The following HIPK2 variants were observed in gnomAD, a reference collection of about 807,000 sequenced individuals.
HIPK2 encodes homeodomain-interacting protein kinase 2.
In HIPK2, 27 loss-of-function variants were observed where a neutral mutation model predicts 113.7. The ratio of observed to expected loss-of-function variants is 0.24; its 90% CI spans 0.17 to 0.33. The LOEUF is 0.33. Among genes scored for constraint, HIPK2 ranks in the 10% least tolerant of loss-of-function variants. The pLI is 1.00. For missense variants in HIPK2, 1,257 were observed against 1,588.0 expected, an observed-to-expected ratio of 0.79 and a Z score of 3.54; for synonymous variants, 631 against 642.2, an observed-to-expected ratio of 0.98 and a Z score of 0.26.
At chr7:139,610,681 C>G (rs1799784452) in intron 9 of HIPK2, among the ~76,000 whole-genome samples, 2 of 152,232 alleles carry the variant, frequency 1.3e-5, no homozygotes, top group Non-Finnish European at 2.9e-5. Context: ...CTTAAACAAA[C>G]TGTTCCGGAA....
chr7:139,751,270 G>A (rs1265571759), intron 1 of HIPK2, among the ~76,000 whole-genome samples: 1 of 152,096 alleles, frequency 6.6e-6, no homozygotes, highest in Non-Finnish European at 1.5e-5. Flanking sequence ...ACTGTAAGTT[G>A]CCTTCCTAAT....
intron 7 of HIPK2, among the ~76,000 whole-genome samples, chr7:139,617,071 A>G (rs1223929718): frequency 6.6e-6 from 1 of 152,182 alleles, no homozygotes; most frequent in Non-Finnish European, 1.5e-5. Flanking sequence ...CTGCTTAAGG[A>G]CCAGTTGAAG....
chr7:139,723,342 C>T (rs1311915495), intron 1 of HIPK2, among the ~76,000 whole-genome samples: 10 of 151,880 alleles, frequency 6.6e-5, no homozygotes, highest in African/African-American at 1.2e-4. Context: ...TATAGACGTG[C>T]GCCACCACGC....
At chr7:139,650,313 G>A (rs1585327397) in intron 2 of HIPK2, among the ~76,000 whole-genome samples, 1 of 138,360 alleles carries the variant, frequency 7.2e-6, no homozygotes, top group South Asian at 2.3e-4. Flanking sequence ...TTGTGCCACT[G>A]CACTCCAGCC....
intron 1 of HIPK2, among the ~76,000 whole-genome samples, chr7:139,744,745 G>A (rs148187820): frequency 9.2e-5 from 14 of 152,292 alleles, no homozygotes; most frequent in East Asian, 7.7e-4. Flanking sequence ...GCCACGTGAC[G>A]GACTTACGGC....
chr7:139,764,424 T>C (rs530283182), intron 1 of HIPK2, among the ~76,000 whole-genome samples: 2 of 152,148 alleles, frequency 1.3e-5, no homozygotes, highest in African/African-American at 4.8e-5. Context: ...TCAATACAAT[T>C]TGGTGATGGG....
chr7:139,709,755 T>C (rs1457235701), intron 2 of HIPK2, among the ~76,000 whole-genome samples: 1 of 152,248 alleles, frequency 6.6e-6, no homozygotes, highest in East Asian at 1.9e-4. Context: ...CTAAGGTCTC[T>C]GGTTTCTCCT....
chr7:139,705,748 A>G lies in HIPK2; in HGVS notation c.1103+10184T>C, dbSNP rs142527124. On this transcript the variant is annotated intron_variant, in intron 2 of 14. Transcript: ENST00000406875. ...GAGTCACACAGCTGTAAAGTAGCAG[A>G]TCTGGAATTCAAATCCAGCTCTGTC... is the stretch of plus-strand genomic sequence containing the variant. Among the ~76,000 whole-genome samples the G allele has an allele frequency of 3.0e-3, 454 of 152,126 alleles. 5 individuals are homozygous for G. Among genetic ancestry groups the G allele is most frequent in the African/African-American group, 0.01 (431 of 41,486 alleles).
chr7:139,629,172 C>T (rs752169990), intron 4 of HIPK2, 133 bp from the exon 5 acceptor site: 2 of 669,566 alleles, frequency 3.0e-6, no homozygotes, highest in Non-Finnish European at 5.3e-6. Flanking sequence ...TCTTCAATGA[C>T]CTGCACACCT....
chr7:139,582,425 GA>G (rs1188401377), intron 13 of HIPK2, among the ~76,000 whole-genome samples: 2 of 152,204 alleles, frequency 1.3e-5, no homozygotes, highest in Non-Finnish European at 2.9e-5. Context: ...TAGGCACCAC[GA>G]CCCCCTGCCC....
intron 1 of HIPK2, among the ~76,000 whole-genome samples, chr7:139,720,901 G>A (rs1378647413): frequency 6.6e-6 from 1 of 152,218 alleles, no homozygotes; most frequent in Non-Finnish European, 1.5e-5. Context: ...GCCGTCCACG[G>A]TGCAGAAGTG....
chr7:139,691,642 C>T (rs1794407747), intron 2 of HIPK2, among the ~76,000 whole-genome samples: 3 of 152,216 alleles, frequency 2.0e-5, no homozygotes, highest in African/African-American at 7.2e-5. Context: ...CAGTGAGCTG[C>T]CCCACAGCAG....
At chr7:139,578,964 G>C (rs1170908953) in intron 13 of HIPK2, among the ~76,000 whole-genome samples, 1 of 152,228 alleles carries the variant, frequency 6.6e-6, no homozygotes, top group African/African-American at 2.4e-5. Flanking sequence ...GTGAGCCACC[G>C]TGCCGGACAG....
intron 1 of HIPK2, among the ~76,000 whole-genome samples, chr7:139,761,033 G>GTA (rs1354675431): frequency 6.6e-6 from 1 of 152,180 alleles, no homozygotes; most frequent in African/African-American, 2.4e-5. Flanking sequence ...ATCCATGAAT[G>GTA]TATAATGTTA....
chr7:139,735,713 T>G (rs1360584444), intron 1 of HIPK2, among the ~76,000 whole-genome samples: 3 of 151,938 alleles, frequency 2.0e-5, no homozygotes, highest in African/African-American at 7.2e-5. Context: ...GCTCTCAGAG[T>G]CAGCGACCCC....
At chr7:139,617,984 A>G (rs141935788) in intron 7 of HIPK2, among the ~76,000 whole-genome samples, 14 of 152,360 alleles carry the variant, frequency 9.2e-5, no homozygotes, top group African/African-American at 1.9e-4. Flanking sequence ...GGGGACCTCC[A>G]TAAGACTTAC....
At position 139,757,652 on chromosome 7, in the gene HIPK2, G is replaced by A. The variant is rs994586313; in HGVS notation, c.19+19953C>T. Among the ~76,000 whole-genome samples, 70 of 152,208 alleles carry A rather than the reference G, an allele frequency of 4.6e-4. No individual in the cohort carries two copies. In the Middle Eastern group the frequency reaches 0.01, roughly 22 times the overall value. ...TTGCATGATTCCATTTATAGAAAAC[G>A]TCTTGAATAGAAATTTGACTAGTGG... is the stretch of plus-strand genomic sequence containing the variant. On this transcript the variant is annotated intron_variant, in intron 1 of 14. Coordinates refer to ENST00000406875, the MANE Select transcript of HIPK2 (RefSeq NM_022740.5).
chr7:139,767,494 A>G (rs1051790212), intron 1 of HIPK2, among the ~76,000 whole-genome samples: 6 of 152,358 alleles, frequency 3.9e-5, no homozygotes, highest in African/African-American at 9.6e-5. Flanking sequence ...AGGTGGAAGC[A>G]GAGAGCAGAG....
Position 139,631,527 on chromosome 7 carries a change from C to A in HIPK2, c.1227+75G>T. 1 of 1,572,620 alleles carries A rather than the reference C, an allele frequency of 6.4e-7. No homozygotes were observed. The highest frequency in any genetic ancestry group is 1.2e-5 in the South Asian group (1 of 83,884). ...CAGTCCCGCCCATTTGTCATGTAAT[C>A]AATGAAATGCTAATCCAGGCTATTT... On this transcript the variant is annotated intron_variant, in intron 3 of 14. Coordinates refer to ENST00000406875, the MANE Select transcript of HIPK2 (RefSeq NM_022740.5). The surrounding 1 kb of genome is among the most constrained non-coding windows in gnomAD (Gnocchi z 4.9).
Sources: gnomAD v4.1 joint callset for allele counts (sites outside exome capture counted in the v4.1 genomes callset) on GRCh38, gnomAD v4.1.1 for gene constraint, Gnocchi (gnomAD v3.1) non-coding constraint, MANE v1.5 for transcripts, NCBI Gene and HGNC (gene_info 2026-07-23, HGNC 2026-07-21) for gene names.